GSG1L: variants seen among roughly 807,000 people sequenced by gnomAD.
The protein encoded by GSG1L is GSG1 like, also known as germ cell-specific gene 1-like protein.
GSG1L carries 24 observed loss-of-function variants against 42.1 expected under a neutral mutation model. The observed-to-expected ratio is 0.57, with a 90% CI of 0.41 to 0.80. GSG1L has a LOEUF of 0.80. Among genes scored for constraint, GSG1L ranks in the 30% least tolerant of loss-of-function variants. GSG1L has a pLI of 0.00. For missense variants in GSG1L, 445 were observed against 472.2 expected, an observed-to-expected ratio of 0.94 and a Z score of 0.53; for synonymous variants, 215 against 203.5, an observed-to-expected ratio of 1.06 and a Z score of -0.48.
At chr16:27,880,147 C>T (rs530492639) in intron 3 of GSG1L, among the ~76,000 whole-genome samples, 5 of 152,324 alleles carry the variant, frequency 3.3e-5, no homozygotes, top group Non-Finnish European at 7.3e-5. Context: ...GAAGCCCTCT[C>T]CACCCCCTCC....
chr16:28,036,766 C>T (rs1244776677), intron 1 of GSG1L, among the ~76,000 whole-genome samples: 1 of 152,180 alleles, frequency 6.6e-6, no homozygotes, highest in African/African-American at 2.4e-5. Flanking sequence ...CTGATGGTGA[C>T]TCTGGGGTCA....
At chr16:27,792,802 G>T (rs750186505) in intron 6 of GSG1L, among the ~76,000 whole-genome samples, 10 of 152,328 alleles carry the variant, frequency 6.6e-5, no homozygotes, top group Admixed American at 1.3e-4. Context: ...TGGTGTGGTG[G>T]AGTGGGGCTG....
intron 3 of GSG1L, among the ~76,000 whole-genome samples, chr16:27,852,046 G>A (rs1374893566): frequency 6.6e-6 from 1 of 152,244 alleles, no homozygotes; most frequent in Non-Finnish European, 1.5e-5. Flanking sequence ...TGCTTTATGC[G>A]AATGCCACGC....
intron 2 of GSG1L, among the ~76,000 whole-genome samples, chr16:27,957,203 TGGATGTGGTG>T (rs774905327): frequency 6.6e-5 from 10 of 151,988 alleles, no homozygotes; most frequent in Non-Finnish European, 1.5e-4. Context: ...ACAAAATAGC[TGGATGTGGTG>T]GCACACGCCT....
chr16:28,043,336 G>T (rs190515858), intron 1 of GSG1L, among the ~76,000 whole-genome samples: 2 of 152,190 alleles, frequency 1.3e-5, no homozygotes, highest in Admixed American at 1.3e-4. Flanking sequence ...CTTTGATCAC[G>T]AGCATAGAAA....
At position 27,953,407 on chromosome 16, in the gene GSG1L, G is replaced by T. The variant is rs574990705; in HGVS notation, c.397+9749C>A. Among the ~76,000 whole-genome samples, 7 of 152,188 alleles carry T rather than the reference G, an allele frequency of 4.6e-5. No homozygotes were observed. In the East Asian group the frequency reaches 1.4e-3, roughly 29 times the overall value. ...GCCTGGCTGTACATTGTTCATTTTCGTTGCTCTATAGTTTTCCATTAGGTG... is the reference window on the plus strand; with the variant it reads ...GCCTGGCTGTACATTGTTCATTTTCTTTGCTCTATAGTTTTCCATTAGGTG... On this transcript the variant is annotated intron_variant, in intron 2 of 6. Transcript: ENST00000447459.
chr16:27,927,090 G>C (rs1320702365), intron 2 of GSG1L, among the ~76,000 whole-genome samples: 1 of 151,984 alleles, frequency 6.6e-6, no homozygotes, highest in South Asian at 2.1e-4. Context: ...ATGTCCTCTC[G>C]AAGCCCCTCC....
intron 1 of GSG1L, among the ~76,000 whole-genome samples, chr16:27,989,181 G>A (rs2085426031): frequency 6.6e-6 from 1 of 152,116 alleles, no homozygotes; most frequent in Non-Finnish European, 1.5e-5. Flanking sequence ...CTATCAAAGA[G>A]TAAAGGTTTT....
At chr16:28,014,795 G>A (rs2085761796) in intron 1 of GSG1L, among the ~76,000 whole-genome samples, 1 of 151,606 alleles carries the variant, frequency 6.6e-6, no homozygotes, top group African/African-American at 2.4e-5. Context: ...CACCGTGCCA[G>A]CCTCATTTGT....
chr16:28,030,596 A>G (rs1433535367), intron 1 of GSG1L, among the ~76,000 whole-genome samples: 4 of 152,236 alleles, frequency 2.6e-5, no homozygotes, highest in Non-Finnish European at 5.9e-5. Context: ...TTCTTCACAT[A>G]AGCCAGTAAA....
chr16:27,877,179 G>A (rs1016985258), intron 3 of GSG1L, among the ~76,000 whole-genome samples: 20 of 152,088 alleles, frequency 1.3e-4, no homozygotes, highest in African/African-American at 3.9e-4. Context: ...CCTCTCGACC[G>A]AAGTCACAAG....
At position 27,917,836 on chromosome 16, in the gene GSG1L, C is replaced by T. The variant is rs983873098; in HGVS notation, c.398-33198G>A. Among the ~76,000 whole-genome samples, 12 of 152,218 alleles carry T rather than the reference C, an allele frequency of 7.9e-5. No individual in the cohort carries two copies. In the East Asian group the frequency reaches 1.7e-3, roughly 22 times the overall value. ...TTCGGGCACAGCTAGACGGAGGACT[C>T]GGTCCTTTTCTAACTTTTGGCTCCA... On this transcript the variant is annotated intron_variant, in intron 2 of 6. Transcript: ENST00000447459.
At chr16:27,867,529 C>T (rs2141006493) in intron 3 of GSG1L, among the ~76,000 whole-genome samples, 1 of 152,338 alleles carries the variant, frequency 6.6e-6, no homozygotes, top group East Asian at 1.9e-4. Context: ...TGGCTACTTC[C>T]AGTCGCTGGG....
At chr16:27,801,174 C>CATGGGAG (rs1233213280) in intron 6 of GSG1L, among the ~76,000 whole-genome samples, 1 of 152,074 alleles carries the variant, frequency 6.6e-6, no homozygotes, top group African/African-American at 2.4e-5. Context: ...GCTGGGGCAG[C>CATGGGAG]ATGGGAGATG....
At chr16:28,055,077 A>G (rs1453641979) in intron 1 of GSG1L, among the ~76,000 whole-genome samples, 1 of 152,196 alleles carries the variant, frequency 6.6e-6, no homozygotes, top group Non-Finnish European at 1.5e-5. Flanking sequence ...GGGAAGGTCC[A>G]GCCTCCAGGA....
chr16:28,006,203 A>AAT (rs2085636286), intron 1 of GSG1L, among the ~76,000 whole-genome samples: 1 of 152,234 alleles, frequency 6.6e-6, no homozygotes, highest in Admixed American at 6.5e-5. Context: ...ATCTGTAGGA[A>AAT]CTGAATTCTG....
At chr16:27,921,054 G>A (rs1410005179) in intron 2 of GSG1L, among the ~76,000 whole-genome samples, 2 of 152,102 alleles carry the variant, frequency 1.3e-5, no homozygotes, top group Non-Finnish European at 2.9e-5. Flanking sequence ...AATCCACCTG[G>A]TGAACAAACA....
chr16:27,957,060 C>T (rs2085013858), intron 2 of GSG1L, among the ~76,000 whole-genome samples: 2 of 152,168 alleles, frequency 1.3e-5, no homozygotes, highest in African/African-American at 2.4e-5. Flanking sequence ...ATCAAGTTCA[C>T]AACATCAACT....
intron 5 of GSG1L, among the ~76,000 whole-genome samples, chr16:27,823,277 A>G (rs561069807): frequency 1.3e-5 from 2 of 152,288 alleles, no homozygotes; most frequent in South Asian, 4.1e-4. Flanking sequence ...AGCAAACCCA[A>G]CACATGTGCA....
Sources: allele counts gnomAD v4.1 joint callset (sites outside exome capture counted in the v4.1 genomes callset), GRCh38; gene constraint gnomAD v4.1.1; transcripts MANE v1.5; gene names NCBI Gene and HGNC (gene_info 2026-07-23, HGNC 2026-07-21).